Variants in UBLCP1 observed in about 807,000 individuals in gnomAD.
The protein encoded by UBLCP1 is ubiquitin like domain containing CTD phosphatase 1, also known as ubiquitin-like domain-containing CTD phosphatase 1.
In UBLCP1, 28 loss-of-function variants were observed where a neutral mutation model predicts 42.4. That is an observed-to-expected ratio of 0.66 (90% confidence interval 0.49 to 0.90). UBLCP1 has a LOEUF of 0.90. Ranked by LOEUF, UBLCP1 falls within the 40% of genes least tolerant of loss-of-function variation. The probability of loss-of-function intolerance (pLI) is 0.00; values close to 1 mark genes in which losing one functional copy is unlikely to be tolerated. For missense variants in UBLCP1, 279 were observed against 374.5 expected (o/e 0.75, Z 2.10); for synonymous variants, 122 against 120.8 (o/e 1.01, Z -0.07).
Position 159,270,592 on chromosome 5 carries a change from C to T in UBLCP1, c.397C>T (p.Pro133Ser), listed in dbSNP as rs766395095. Residue 133 changes from proline (P) to serine (S), a missense_variant, in exon 5 of 11, where the codon CCC becomes TCC. By Grantham distance (74) the Pro-to-Ser change is moderately conservative. Transcript: ENST00000296786. ...KEYKVEILNP[P>S]REGKKLLVLD... ...GTACAAAGTGGAAATTTTGAATCCT[C>T]CCAGGGAAGGGAAAAAGCTTTTGGT... The T allele has an allele frequency of 6.2e-7, 1 of 1,610,546 alleles. No homozygotes were observed. Among genetic ancestry groups the T allele is most frequent in the Non-Finnish European group, 8.5e-7 (1 of 1,178,996 alleles).
At chr5:159,265,824 C>T (rs149338051) in intron 1 of UBLCP1, among the ~76,000 whole-genome samples, 3 of 152,220 alleles carry the variant, frequency 2.0e-5, no homozygotes, top group Non-Finnish European at 2.9e-5. Flanking sequence ...GGATTACAGG[C>T]GCCCACCACC....
intron 9 of UBLCP1, among the ~76,000 whole-genome samples, chr5:159,280,922 T>C (rs991549647): frequency 5.3e-5 from 8 of 152,234 alleles, no homozygotes; most frequent in African/African-American, 9.6e-5. Flanking sequence ...TCAGCTTATC[T>C]AGACAGTCTT....
At chr5:159,268,547 T>A (rs1046474559) in intron 1 of UBLCP1, among the ~76,000 whole-genome samples, 2 of 152,358 alleles carry the variant, frequency 1.3e-5, no homozygotes, top group East Asian at 3.9e-4. Flanking sequence ...ACATGGATGG[T>A]CTGTCAGGGA....
chr5:159,269,502 A>AT (rs555762297), intron 2 of UBLCP1, among the ~76,000 whole-genome samples: 59 of 152,036 alleles, frequency 3.9e-4, no homozygotes, highest in Non-Finnish European at 7.8e-4. Context: ...TTTAAAAGGG[A>AT]TTTTTTTTAT....
intron 2 of UBLCP1, 57 bp from the exon 3 acceptor site, chr5:159,269,851 A>G: frequency 2.2e-6 from 3 of 1,346,888 alleles, no homozygotes; most frequent in Non-Finnish European, 3.2e-6. Context: ...ATATAATGGA[A>G]TAGTGAAACC....
intron 8 of UBLCP1, among the ~76,000 whole-genome samples, chr5:159,275,634 G>T (rs1248639362): frequency 6.6e-6 from 1 of 152,020 alleles, no homozygotes; most frequent in Non-Finnish European, 1.5e-5. Flanking sequence ...GGATGGTCTC[G>T]ATCTCCTGAC....
chr5:159,283,641 T>C (rs1270527298), intron 10 of UBLCP1, among the ~76,000 whole-genome samples: 5 of 152,156 alleles, frequency 3.3e-5, no homozygotes, highest in Non-Finnish European at 5.9e-5. Flanking sequence ...TTAGGTAAGC[T>C]ACTCCTTTAT....
chr5:159,285,032 A>G lies in UBLCP1; in HGVS notation c.*101A>G, dbSNP rs1753654883. ...GATAGTGCTGGACACTGAAGCAAAT[A>G]CCATACTGCTTATACTTGGTCTTCC... On this transcript the variant is annotated 3_prime_UTR_variant, in exon 11 of 11. Coordinates refer to ENST00000296786, the MANE Select transcript of UBLCP1 (RefSeq NM_145049.5). The G allele has an allele frequency of 9.0e-7, 1 of 1,105,500 alleles. No individual in the cohort carries two copies. Among genetic ancestry groups the G allele is most frequent in the Non-Finnish European group, 1.4e-6 (1 of 735,348 alleles). The allele number at this position is 1,105,500 out of a possible 1,614,324, so 68.5% of individuals were successfully genotyped here.
chr5:159,269,257 A>T (rs1753435695), intron 2 of UBLCP1, among the ~76,000 whole-genome samples, 188 bp downstream of exon 2: 1 of 152,212 alleles, frequency 6.6e-6, no homozygotes, highest in African/African-American at 2.4e-5. Flanking sequence ...AAGAATATTA[A>T]AGTGTTCTCG....
chr5:159,270,029 C>A, intron 3 of UBLCP1, 30 bp downstream of exon 3: 1 of 1,546,830 alleles, frequency 6.5e-7, no homozygotes, highest in Non-Finnish European at 8.9e-7. Context: ...TACCATTTGT[C>A]CATTTGAAGA....
chr5:159,272,800 C>A (rs1020278555), intron 6 of UBLCP1, among the ~76,000 whole-genome samples: 2 of 152,184 alleles, frequency 1.3e-5, no homozygotes, highest in Non-Finnish European at 1.5e-5. Context: ...TGATAAGATA[C>A]TGAGTTTGTT....
chr5:159,278,657 C>T lies in UBLCP1; in HGVS notation c.801+303C>T, dbSNP rs529586849. Among the ~76,000 whole-genome samples the T allele has an allele frequency of 2.6e-5, 4 of 152,250 alleles. No homozygotes were observed. In the East Asian group the frequency reaches 7.7e-4, roughly 29 times the overall value. On this transcript the variant is annotated intron_variant, in intron 9 of 10. Transcript: ENST00000296786. ...GTGCGATCTCGGCTCGCTGCAATCTCCACCTCCTGGGTTCAAGTGATTCTC... is the reference window on the plus strand; with the variant it reads ...GTGCGATCTCGGCTCGCTGCAATCTTCACCTCCTGGGTTCAAGTGATTCTC...
chr5:159,276,215 G>T (rs540164571), intron 8 of UBLCP1, among the ~76,000 whole-genome samples: 1 of 152,224 alleles, frequency 6.6e-6, no homozygotes, highest in South Asian at 2.1e-4. Context: ...TCAAACCCAG[G>T]GGGCGGTGGT....
chr5:159,283,255 A>G lies in UBLCP1; in HGVS notation c.845A>G (p.Lys282Arg), dbSNP rs1327812602. Residue 282 changes from lysine (K) to arginine (R), a missense_variant, in exon 10 of 11, where the codon AAA becomes AGA. By Grantham distance (26) the Lys-to-Arg change is conservative (BLOSUM62 2). Transcript: ENST00000296786. ...MKAHLNRDKD[K>R]ELLKLTQYLK... ...GCGCACCTAAATCGTGATAAAGACA[A>G]AGAACTTTTAAAATTAACTCAGTAC... 1.9e-6 allele frequency: 3 copies of G among 1,607,322 alleles called. No homozygotes were observed. The highest frequency in any genetic ancestry group is 1.7e-4 in the Middle Eastern group (1 of 6,042).
chr5:159,272,286 A>G (rs1267699049), intron 6 of UBLCP1, among the ~76,000 whole-genome samples, 165 bp downstream of exon 6: 1 of 152,238 alleles, frequency 6.6e-6, no homozygotes, highest in Non-Finnish European at 1.5e-5. Context: ...AAACTTAAAC[A>G]TATATTGGCC....
rs776031307 is a variant in UBLCP1 at position 159,278,229 on chromosome 5, T to C, written c.685-9T>C. On this transcript the variant is annotated splice_polypyrimidine_tract_variant and intron_variant, in intron 8 of 10. Transcript: ENST00000296786. The stretch of plus-strand genomic sequence containing the variant: ...AAAATTTGAGTTAAATGTAAACTTT[T>C]ATTCTAAGGTAAAGCCTCTTGGTGT... 13 of 1,581,942 alleles carry C rather than the reference T, an allele frequency of 8.2e-6. No individual in the cohort carries two copies. Among genetic ancestry groups the C allele is most frequent in the Non-Finnish European group, 4.3e-6 (5 of 1,152,312 alleles).
In UBLCP1 at chr5:159,280,937, T is replaced by G. The variant is rs533906506; in HGVS notation, c.802-2275T>G. 1.3e-5 allele frequency among the ~76,000 whole-genome samples: 2 copies of G among 152,344 alleles called. 1 individual carries two copies. Among genetic ancestry groups the G allele is most frequent in the Admixed American group, 1.3e-4 (2 of 15,304 alleles). ...TCAGCTTATCTAGACAGTCTTAAGT[T>G]TCTAAAAATGCTTCCTTGACCTGAG... is the stretch of plus-strand genomic sequence containing the variant. On this transcript the variant is annotated intron_variant, in intron 9 of 10. Coordinates refer to ENST00000296786, the MANE Select transcript of UBLCP1 (RefSeq NM_145049.5).
At chr5:159,275,792 G>A (rs1753528851) in intron 8 of UBLCP1, among the ~76,000 whole-genome samples, 2 of 152,184 alleles carry the variant, frequency 1.3e-5, no homozygotes, top group East Asian at 1.9e-4. Flanking sequence ...GTGATTGTGG[G>A]TAATTGACCT....
At position 159,285,607 on chromosome 5, in the gene UBLCP1, T is replaced by C. The variant is rs1753669976; in HGVS notation, c.*676T>C. On this transcript the variant is annotated 3_prime_UTR_variant, in exon 11 of 11. Transcript: ENST00000296786. ...TGTCAGTCTTGACACAGCTGTGTCTTAGTATGAGAAACAGAAGACTGAAGA... is the reference window on the plus strand; with the variant it reads ...TGTCAGTCTTGACACAGCTGTGTCTCAGTATGAGAAACAGAAGACTGAAGA... 6.6e-6 allele frequency: 1 copy of C among 152,280 alleles called. No individual in the cohort carries two copies. Among genetic ancestry groups the C allele is most frequent in the South Asian group, 2.1e-4 (1 of 4,832 alleles). 9.4% of individuals were successfully genotyped at this position (152,280 alleles called of 1,614,324 possible).
Sources: gnomAD v4.1 joint callset for allele counts (sites outside exome capture counted in the v4.1 genomes callset) on GRCh38, gnomAD v4.1.1 for gene constraint, MANE v1.5 for transcripts, NCBI Gene and HGNC (gene_info 2026-07-23, HGNC 2026-07-21) for gene names.